PKIB: variants seen among roughly 807,000 people sequenced by gnomAD.
PKIB encodes the protein cAMP-dependent protein kinase inhibitor beta, also known as PKI-beta.
In PKIB, 2 loss-of-function variants were observed where a neutral mutation model predicts 4.5. The ratio of observed to expected loss-of-function variants is 0.44; its 90% CI spans 0.18 to 1.39. The LOEUF is 1.39. Among genes scored for constraint, PKIB ranks in the 40% most tolerant of loss-of-function variants. The pLI, the probability that PKIB is intolerant of heterozygous loss-of-function variation, is 0.27. For missense variants in PKIB, 94 were observed against 92.6 expected (o/e 1.02, Z -0.06); for synonymous variants, 38 against 36.0 (o/e 1.06, Z -0.20).
At chr6:122,692,925 A>G (rs1293992697) in intron 3 of PKIB, among the ~76,000 whole-genome samples, 3 of 152,230 alleles carry the variant, frequency 2.0e-5, no homozygotes, top group Non-Finnish European at 2.9e-5. Context: ...TAATCTTGGC[A>G]ATTAGCAATA....
intron 3 of PKIB, among the ~76,000 whole-genome samples, chr6:122,699,281 T>TAAA (rs58796900): frequency 6.6e-6 from 1 of 150,568 alleles, no homozygotes; most frequent in East Asian, 2.0e-4. Flanking sequence ...ATTTGTGAAC[T>TAAA]AAAATATATA....
intron 1 of PKIB, among the ~76,000 whole-genome samples, chr6:122,617,986 A>G (rs1188657303): frequency 6.6e-6 from 1 of 152,128 alleles, no homozygotes; most frequent in Non-Finnish European, 1.5e-5. Flanking sequence ...TGTAAAAATG[A>G]GTAGAAACAG....
rs546544893 is a variant in PKIB, at chr6:122,667,898, A to G, written c.-75-7180A>G. On this transcript the variant is annotated intron_variant, in intron 2 of 4. Transcript: ENST00000368452. Reference sequence around the variant, plus strand: ...TAGAACCACACAGGCCACACCTGAAAAGATATACAGACAGACAGGAGTGAA... The same window carrying G: ...TAGAACCACACAGGCCACACCTGAAGAGATATACAGACAGACAGGAGTGAA... Among the ~76,000 whole-genome samples, 12 of 152,310 alleles carry G rather than the reference A, an allele frequency of 7.9e-5. No individual in the cohort carries two copies. The South Asian group carries it at 2.5e-3, about 32-fold the overall frequency.
chr6:122,580,405 A>G (rs1210917113), intron 2 of PKIB, among the ~76,000 whole-genome samples: 1 of 152,194 alleles, frequency 6.6e-6, no homozygotes, highest in Non-Finnish European at 1.5e-5. Flanking sequence ...TATTAAATAA[A>G]GGTAATTGCT....
chr6:122,703,821 C>T (rs1484309969), intron 3 of PKIB, among the ~76,000 whole-genome samples: 1 of 147,964 alleles, frequency 6.8e-6, no homozygotes, highest in African/African-American at 2.5e-5. Flanking sequence ...TATGTAAAAG[C>T]TATATATACA....
At chr6:122,702,994 G>A (rs1479739635) in intron 3 of PKIB, among the ~76,000 whole-genome samples, 1 of 152,100 alleles carries the variant, frequency 6.6e-6, no homozygotes, top group Non-Finnish European at 1.5e-5. Context: ...GACCCAAAAT[G>A]TAAGAACTTG....
chr6:122,547,808 C>T (rs1772549377), intron 2 of PKIB, among the ~76,000 whole-genome samples: 1 of 152,216 alleles, frequency 6.6e-6, no homozygotes. Context: ...ATAGTGGCTC[C>T]GAGCCAGGTG....
chr6:122,503,583 A>T (rs531683869), intron 2 of PKIB, among the ~76,000 whole-genome samples: 1,903 of 152,220 alleles, frequency 0.013, 44 homozygotes, highest in African/African-American at 0.044. Flanking sequence ...ATTTTCTTCC[A>T]TGACCACAAG....
chr6:122,719,145 G>T (rs183702088), intron 4 of PKIB, among the ~76,000 whole-genome samples: 1 of 151,994 alleles, frequency 6.6e-6, no homozygotes, highest in Non-Finnish European at 1.5e-5. Context: ...TTACTTGTTC[G>T]TGTAAAAACC....
chr6:122,573,247 C>T (rs1773422197), intron 2 of PKIB, among the ~76,000 whole-genome samples: 1 of 152,008 alleles, frequency 6.6e-6, no homozygotes, highest in African/African-American at 2.4e-5. Context: ...TCCAAAAGCA[C>T]ATCCAAAAGA....
chr6:122,641,264 C>G (rs999199051), intron 2 of PKIB, among the ~76,000 whole-genome samples: 2 of 152,078 alleles, frequency 1.3e-5, no homozygotes, highest in Non-Finnish European at 2.9e-5. Flanking sequence ...AGTTCTAGCT[C>G]TGTTCTCCCT....
chr6:122,682,086 C>A (rs1225850061), intron 3 of PKIB, among the ~76,000 whole-genome samples: 1 of 152,054 alleles, frequency 6.6e-6, no homozygotes, highest in African/African-American at 2.4e-5. Flanking sequence ...AGTTATCTAG[C>A]CTTTCAATAT....
chr6:122,666,376 G>A (rs1428123517), intron 2 of PKIB, among the ~76,000 whole-genome samples: 1 of 152,206 alleles, frequency 6.6e-6, no homozygotes, highest in Non-Finnish European at 1.5e-5. Flanking sequence ...TTTAATAGCA[G>A]TATCTTGACT....
intron 2 of PKIB, among the ~76,000 whole-genome samples, chr6:122,550,275 G>A (rs1772636422): frequency 6.7e-6 from 1 of 148,494 alleles, no homozygotes; most frequent in Admixed American, 6.6e-5. Context: ...TGAAAGTCTA[G>A]TCTAATATGA....
At chr6:122,701,260 G>T in intron 3 of PKIB, 1 of 522,936 alleles carries the variant, frequency 1.9e-6, no homozygotes, top group Non-Finnish European at 3.4e-6. Flanking sequence ...CCTCACACAG[G>T]GCTGCCTCTG....
chr6:122,496,872 G>C (rs1412199896), intron 2 of PKIB, among the ~76,000 whole-genome samples: 1 of 152,096 alleles, frequency 6.6e-6, no homozygotes, highest in Non-Finnish European at 1.5e-5. Flanking sequence ...AAGAAATTCA[G>C]AGAATACTTT....
intron 3 of PKIB, among the ~76,000 whole-genome samples, chr6:122,692,256 A>T (rs1778387729): frequency 6.6e-6 from 1 of 152,256 alleles, no homozygotes; most frequent in African/African-American, 2.4e-5. Context: ...AAAGCCAGTC[A>T]GACCTGTGTC....
intron 2 of PKIB, among the ~76,000 whole-genome samples, chr6:122,672,363 G>T (rs1471429513): frequency 6.6e-6 from 1 of 152,178 alleles, no homozygotes; most frequent in African/African-American, 2.4e-5. Flanking sequence ...GTTTGAAAAT[G>T]ATTGAACTAA....
chr6:122,703,454 AATT>A lies in PKIB; in HGVS notation c.-8-14328_-8-14326del, dbSNP rs541757882. Among the ~76,000 whole-genome samples the A allele has an allele frequency of 3.9e-4, 59 of 152,290 alleles. 1 individual carries two copies. The highest frequency in any genetic ancestry group is 1.4e-3 in the African/African-American group (58 of 41,590). On this transcript the variant is annotated intron_variant, in intron 3 of 4. Transcript: ENST00000368452. The stretch of plus-strand genomic sequence containing the variant: ...GTGATAAGACTACTGTTTTTATTTC[AATT>A]ATTAAAACATTCCTTTATTATTTTT...
Sources: gnomAD v4.1 joint callset for allele counts (sites outside exome capture counted in the v4.1 genomes callset) on GRCh38, gnomAD v4.1.1 for gene constraint, MANE v1.5 for transcripts, NCBI Gene and HGNC (gene_info 2026-07-23, HGNC 2026-07-21) for gene names.